The following PRKX variants were observed in gnomAD, a reference collection of about 807,000 sequenced individuals.
PRKX encodes the protein protein kinase cAMP-dependent X-linked catalytic subunit.
Under a neutral mutation model 22.0 loss-of-function variants are expected in PRKX, and 12 were observed. The ratio of observed to expected loss-of-function variants is 0.54; its 90% CI spans 0.35 to 0.88. PRKX has a LOEUF of 0.88. Ranked by LOEUF, PRKX falls within the 40% of genes least tolerant of loss-of-function variation. The pLI is 0.01. For synonymous variants in PRKX, 134 were observed against 137.7 expected (o/e 0.97, Z 0.19); for missense variants, 217 against 308.0 (o/e 0.70, Z 2.21).
chrX:3,641,288 T>C (rs569058547), intron 4 of PRKX, among the ~76,000 whole-genome samples: 30 of 111,808 alleles, frequency 2.7e-4, no homozygotes, highest in African/African-American at 7.5e-4. Context: ...AAAGAACATA[T>C]TCTCGCCTTC....
chrX:3,662,444 C>A (rs1430147164), intron 2 of PRKX, among the ~76,000 whole-genome samples: 1 of 110,455 alleles, frequency 9.1e-6, no homozygotes, highest in East Asian at 2.8e-4. Flanking sequence ...GCCTGTAATC[C>A]CAGCACTTTG....
chrX:3,612,150 TGGGAA>T, intron 8 of PRKX, 22 bp downstream of exon 8: 1 of 1,168,708 alleles, frequency 8.6e-7, no homozygotes, highest in Non-Finnish European at 1.2e-6. Context: ...TCTCATTTTT[TGGGAA>T]TTACTAAATA....
At position 3,713,444 on chromosome X, in the gene PRKX, G is replaced by A. The variant is rs1041754949; in HGVS notation, c.-191C>T. On this transcript the variant is annotated 5_prime_UTR_variant, in exon 1 of 9. Coordinates refer to ENST00000262848, the MANE Select transcript of PRKX (RefSeq NM_005044.5). ...GGGACAATGGCTGGGCGGCGCTCAC[G>A]GCACAAGCAGCAACGGCCCCGAGTG... 3.0e-5 allele frequency: 9 copies of A among 302,341 alleles called. No homozygotes were observed. The highest frequency in any genetic ancestry group is 4.4e-5 in the Non-Finnish European group (8 of 183,220). 24.9% of individuals were successfully genotyped at this position (302,341 alleles called of 1,213,427 possible). A position where few individuals can be genotyped will look rare whatever the true frequency, so the allele number is the denominator to read the frequency against.
At chrX:3,687,417 C>A (rs1463243994) in intron 1 of PRKX, among the ~76,000 whole-genome samples, 3 of 111,906 alleles carry the variant, frequency 2.7e-5, no homozygotes, top group Non-Finnish European at 3.8e-5. Flanking sequence ...TGGCTGATGT[C>A]AAAGTAACTT....
chrX:3,630,566 C>G (rs1168117812), intron 4 of PRKX, among the ~76,000 whole-genome samples: 3 of 111,415 alleles, frequency 2.7e-5, no homozygotes, highest in Non-Finnish European at 3.8e-5. Flanking sequence ...TCTCAAAAAA[C>G]AAAAAAGAAA....
intron 2 of PRKX, among the ~76,000 whole-genome samples, chrX:3,671,856 T>C (rs1221747499): frequency 9.0e-6 from 1 of 110,662 alleles, no homozygotes; most frequent in Non-Finnish European, 1.9e-5. Context: ...GGTGTGGTGG[T>C]GCACACCTGT....
At chrX:3,617,210 C>T (rs181403604) in intron 6 of PRKX, among the ~76,000 whole-genome samples, 8 of 107,222 alleles carry the variant, frequency 7.5e-5, no homozygotes, top group Admixed American at 6.1e-4. Context: ...TATACATACA[C>T]GTTAATATAT....
intron 4 of PRKX, among the ~76,000 whole-genome samples, chrX:3,629,810 T>A (rs1260222930): frequency 1.8e-5 from 2 of 111,485 alleles, no homozygotes; most frequent in African/African-American, 6.5e-5. Flanking sequence ...TGTGCCACCA[T>A]GTCTGGCTAA....
At chrX:3,691,087 T>A (rs971022146) in intron 1 of PRKX, among the ~76,000 whole-genome samples, 16 of 111,776 alleles carry the variant, frequency 1.4e-4, no homozygotes, top group Non-Finnish European at 2.3e-4. Flanking sequence ...ACCAGCTCAG[T>A]CGGACTAGGG....
chrX:3,676,224 C>G (rs1008730947), intron 1 of PRKX, among the ~76,000 whole-genome samples: 11 of 111,993 alleles, frequency 9.8e-5, no homozygotes, highest in Non-Finnish European at 1.5e-4. Context: ...CACACCCACC[C>G]CAAACAGCAG....
At position 3,613,788 on chromosome X, in the gene PRKX, G is replaced by A. The variant is rs752308158; in HGVS notation, c.952-1463C>T. 1.1e-3 allele frequency among the ~76,000 whole-genome samples: 109 copies of A among 98,342 alleles called. No individual in the cohort carries two copies. In the Admixed American group the frequency reaches 0.013, roughly 11 times the overall value. 85.4% of individuals were successfully genotyped at this position (98,342 alleles called of 115,157 possible). A position where few individuals can be genotyped will look rare whatever the true frequency, so the allele number is the denominator to read the frequency against. On this transcript the variant is annotated intron_variant, in intron 7 of 8. Transcript: ENST00000262848. ...CACTTGAATCCAAGAGGTGGAGGTT[G>A]CAGTGAGTTGAGATCACTCCACTGC...
intron 4 of PRKX, among the ~76,000 whole-genome samples, chrX:3,640,217 G>C (rs1603473741): frequency 9.2e-6 from 1 of 108,584 alleles, no homozygotes; most frequent in Non-Finnish European, 1.9e-5. Context: ...CTAGGAGGCA[G>C]AGTGTCGGCT....
intron 4 of PRKX, among the ~76,000 whole-genome samples, chrX:3,626,996 G>A (rs2146563317): frequency 9.0e-6 from 1 of 111,412 alleles, no homozygotes; most frequent in East Asian, 2.8e-4. Context: ...AGAAGACATG[G>A]AAAAGGCCAA....
intron 4 of PRKX, among the ~76,000 whole-genome samples, chrX:3,631,369 GCA>G (rs753301980): frequency 8.9e-6 from 1 of 112,718 alleles, no homozygotes; most frequent in South Asian, 3.6e-4. Context: ...TCAAGAGGAG[GCA>G]CACACACAGA....
At chrX:3,674,921 A>G (rs1359452691) in intron 1 of PRKX, among the ~76,000 whole-genome samples, 155 bp from the exon 2 acceptor site, 1 of 111,522 alleles carries the variant, frequency 9.0e-6, no homozygotes, top group East Asian at 2.8e-4. Flanking sequence ...ACGTGGGCTG[A>G]TGGCATTTAG....
chrX:3,689,209 A>C (rs1433963250), intron 1 of PRKX, among the ~76,000 whole-genome samples: 3 of 112,678 alleles, frequency 2.7e-5, no homozygotes, highest in Admixed American at 9.4e-5. Flanking sequence ...CTTTTCCTTG[A>C]CATTTTCCCC....
chrX:3,648,931 CACAA>C (rs1346467533), intron 3 of PRKX, among the ~76,000 whole-genome samples: 3 of 110,047 alleles, frequency 2.7e-5, no homozygotes, highest in African/African-American at 6.6e-5. Context: ...CACAAAAAAA[CACAA>C]ACAAACAAAA....
At chrX:3,654,075 AAT>A (rs1379906083) in intron 3 of PRKX, among the ~76,000 whole-genome samples, 25 of 85,299 alleles carry the variant, frequency 2.9e-4, no homozygotes, top group African/African-American at 7.4e-4. Context: ...TATACTATAT[AAT>A]ATATATATGT....
intron 3 of PRKX, among the ~76,000 whole-genome samples, chrX:3,643,155 G>A (rs867349203): frequency 1.3e-5 from 1 of 78,131 alleles, no homozygotes; most frequent in African/African-American, 5.6e-5. Context: ...GGAAACCAGT[G>A]TAAAGACAGA....
Sources: allele counts gnomAD v4.1 joint callset (sites outside exome capture counted in the v4.1 genomes callset), GRCh38; gene constraint gnomAD v4.1.1; transcripts MANE v1.5; gene names NCBI Gene and HGNC (gene_info 2026-07-23, HGNC 2026-07-21).